Variants in KRT6A observed in about 807,000 individuals in gnomAD.
The protein encoded by KRT6A is keratin 6A.
In KRT6A, 28 loss-of-function variants were observed where a neutral mutation model predicts 48.6. The observed-to-expected ratio is 0.58, with a 90% CI of 0.43 to 0.79. The LOEUF is 0.79. KRT6A is among the 30% of genes least tolerant of loss of function. KRT6A has a pLI of 0.00. For missense variants in KRT6A, 687 were observed against 724.3 expected (o/e 0.95, Z 0.59); for synonymous variants, 301 against 294.2 (o/e 1.02, Z -0.24).
chr12:52,488,051 G>A lies in KRT6A; in HGVS notation c.1459+18C>T. ...AAGAGTGCGAGGGCAGGGGAGGAAG[G>A]CAAGCAAAGGTACTTACAGATGTTG... On this transcript the variant is annotated intron_variant, in intron 8 of 8. Transcript: ENST00000330722. The A allele has an allele frequency of 1.9e-6, 3 of 1,614,132 alleles. No individual in the cohort carries two copies. Among genetic ancestry groups the A allele is most frequent in the Non-Finnish European group, 2.5e-6 (3 of 1,179,982 alleles).
chr12:52,490,409 G>T, intron 5 of KRT6A, 160 bp downstream of exon 5: 1 of 1,299,776 alleles, frequency 7.7e-7, no homozygotes, highest in Non-Finnish European at 1.1e-6. Flanking sequence ...TTCTTGACTT[G>T]GGCATAAGTT....
intron 2 of KRT6A, 134 bp from the exon 3 acceptor site, chr12:52,491,306 G>T: frequency 6.5e-7 from 1 of 1,544,728 alleles, no homozygotes; most frequent in Non-Finnish European, 8.9e-7. Flanking sequence ...CCTAAGAGAC[G>T]ATTTTTGCTT....
chr12:52,488,140 G>C, intron 7 of KRT6A, 37 bp from the exon 8 acceptor site: 7 of 1,614,004 alleles, frequency 4.3e-6, no homozygotes, highest in Non-Finnish European at 5.1e-6. Flanking sequence ...AGACCTCAGA[G>C]AGCTCTTCCT....
At chr12:52,489,061 A>G (rs1230039080) in intron 6 of KRT6A, among the ~76,000 whole-genome samples, 1 of 152,076 alleles carries the variant, frequency 6.6e-6, no homozygotes, top group Admixed American at 6.5e-5. Context: ...TCTTGAGCAG[A>G]TTTGAAACAA....
At position 52,487,469 on chromosome 12, in the gene KRT6A, T is replaced by G; in HGVS notation, c.*251A>C. On this transcript the variant is annotated 3_prime_UTR_variant, in exon 9 of 9. Transcript: ENST00000330722. ...ACACTGGAGGCAAGAAATTAATAAT[T>G]TAGTAACAGTGAAGCTCCAGTGGTG... The G allele has an allele frequency of 1.8e-6, 1 of 548,202 alleles. No individual in the cohort carries two copies. Among genetic ancestry groups the G allele is most frequent in the Non-Finnish European group, 3.2e-6 (1 of 313,676 alleles). The allele number at this position is 548,202 out of a possible 1,614,324, so 34.0% of individuals were successfully genotyped here.
At chr12:52,491,462 C>T in intron 2 of KRT6A, 60 bp downstream of exon 2, 1 of 1,594,672 alleles carries the variant, frequency 6.3e-7, no homozygotes, top group Non-Finnish European at 8.6e-7. Context: ...GCCCTGGTCA[C>T]CCAATAGTCT....
chr12:52,492,226 G>A (rs1439102566), intron 1 of KRT6A, among the ~76,000 whole-genome samples: 2 of 150,042 alleles, frequency 1.3e-5, no homozygotes, highest in East Asian at 1.9e-4. Context: ...TCCACATAAC[G>A]TATAAACGTT....
At chr12:52,488,291 G>T in intron 7 of KRT6A, 37 bp downstream of exon 7, 1 of 1,614,114 alleles carries the variant, frequency 6.2e-7, no homozygotes, top group South Asian at 1.1e-5. Context: ...CTTGAAGATG[G>T]ACTCAGCTGT....
chr12:52,491,847 G>T, intron 1 of KRT6A, 111 bp from the exon 2 acceptor site: 1 of 1,390,568 alleles, frequency 7.2e-7, no homozygotes, highest in Non-Finnish European at 1.0e-6. Context: ...GGCTACTACA[G>T]TGCATGTAGA....
chr12:52,488,172 C>G, intron 7 of KRT6A, 69 bp from the exon 8 acceptor site: 1 of 1,613,886 alleles, frequency 6.2e-7, no homozygotes, highest in Non-Finnish European at 8.5e-7. Context: ...GCGTGGGCAG[C>G]CTCGGTGGGT....
rs1356158732 is a variant in KRT6A, at chr12:52,487,333, G to C, written c.*387C>G. On this transcript the variant is annotated 3_prime_UTR_variant, in exon 9 of 9. Transcript: ENST00000330722. ...ACAACACTTATAAGTTAGAGAGTTT[G>C]AGAGCCAGTGGAAAGTAAGTGGAAG... is the stretch of plus-strand genomic sequence containing the variant. 1 of 306,730 alleles carries C rather than the reference G, an allele frequency of 3.3e-6. No individual in the cohort carries two copies. The allele number at this position is 306,730 out of a possible 1,614,324, so 19.0% of individuals were successfully genotyped here.
intron 7 of KRT6A, 79 bp from the exon 8 acceptor site, chr12:52,488,182 T>C (rs1448404045): frequency 2.5e-6 from 4 of 1,613,432 alleles, no homozygotes; most frequent in African/African-American, 2.7e-5. Flanking sequence ...CCTCGGTGGG[T>C]GGAAGAGTCC....
chr12:52,487,915 G>A lies in KRT6A; in HGVS notation c.1500C>T (p.Ala500=). ...QSTVSSGYGG[A]SGVGSGLGLG... ...GGCCTAAGCCACTGCCGACACCACT[G>A]GCACCGCCATAGCCACTGGAGACGG... The change falls in exon 9 of 9, where the codon GCC becomes GCT. Residue 500 remains alanine (A), a synonymous_variant. Transcript: ENST00000330722. 6.2e-7 allele frequency: 1 copy of A among 1,614,096 alleles called. No homozygotes were observed. The highest frequency in any genetic ancestry group is 8.5e-7 in the Non-Finnish European group (1 of 1,179,950).
At position 52,487,465 on chromosome 12, in the gene KRT6A, T is replaced by C; in HGVS notation, c.*255A>G. On this transcript the variant is annotated 3_prime_UTR_variant, in exon 9 of 9. Coordinates refer to ENST00000330722, the MANE Select transcript of KRT6A (RefSeq NM_005554.4). ...TAGAACACTGGAGGCAAGAAATTAA[T>C]AATTTAGTAACAGTGAAGCTCCAGT... 5.5e-6 allele frequency: 3 copies of C among 542,972 alleles called. No homozygotes were observed. Among genetic ancestry groups the C allele is most frequent in the Non-Finnish European group, 9.7e-6 (3 of 310,368 alleles). 33.6% of individuals were successfully genotyped at this position (542,972 alleles called of 1,614,324 possible). A position where few individuals can be genotyped will look rare whatever the true frequency, so the allele number is the denominator to read the frequency against.
At position 52,490,895 on chromosome 12, in the gene KRT6A, G is replaced by A. The variant is rs751967999; in HGVS notation, c.875C>T (p.Thr292Ile). 3 of 1,614,038 alleles carry A rather than the reference G, an allele frequency of 1.9e-6. No homozygotes were observed. The South Asian group carries it at 3.3e-5, about 18-fold the overall frequency. Residue 292 changes from threonine (T) to isoleucine (I), a missense_variant, in exon 4 of 9, where the codon ACA becomes ATA. Around this residue, in one of 3 missense-constraint regions of KRT6A, gnomAD observed 566 missense variants for 565.3 expected, o/e 1.00. Coordinates refer to ENST00000330722, the MANE Select transcript of KRT6A (RefSeq NM_005554.4). ...GGCTCTCAGGAAGTTGATCTCGTCT[G>A]TGAGAGTGTCTGCCTTGGCTTGCAG... ...VELQAKADTL[T>I]DEINFLRALY...
intron 2 of KRT6A, 86 bp from the exon 3 acceptor site, chr12:52,491,258 T>C: frequency 6.2e-7 from 1 of 1,608,992 alleles, no homozygotes; most frequent in East Asian, 2.2e-5. Context: ...TTTTCCCGAA[T>C]GGAATATATT....
At chr12:52,491,796 A>T in intron 1 of KRT6A, 60 bp from the exon 2 acceptor site, 4 of 1,604,248 alleles carry the variant, frequency 2.5e-6, no homozygotes, top group Non-Finnish European at 3.4e-6. Context: ...AGTGTCTGGT[A>T]TCCGGTTTCC....
At chr12:52,491,789 G>A in intron 1 of KRT6A, 53 bp from the exon 2 acceptor site, 3 of 1,609,482 alleles carry the variant, frequency 1.9e-6, no homozygotes, top group African/African-American at 1.3e-5. Flanking sequence ...AAGAAAAAGT[G>A]TCTGGTATCC....
rs761754085 is a variant in KRT6A, at chr12:52,488,409, T to C, written c.1343A>G (p.Tyr448Cys). The change falls in exon 7 of 9, where the codon TAC becomes TGC. Residue 448 changes from tyrosine (Y) to cysteine (C), a missense_variant. Tyr to Cys is a radical substitution (Grantham distance 194). This residue lies in a region of KRT6A where 566 missense variants were observed against 565.3 expected (regional missense o/e 1.00). Coordinates refer to ENST00000330722, the MANE Select transcript of KRT6A (RefSeq NM_005554.4). ...KQDLARLLKEYQELMNVKLAL... is the reference protein window; with the variant it reads ...KQDLARLLKECQELMNVKLAL... ...CAGCTTGACATTCATCAGCTCCTGG[T>C]ACTCCTTCAGCAGCCGGGCCAGGTC... 3 of 1,614,134 alleles carry C rather than the reference T, an allele frequency of 1.9e-6. No homozygotes were observed. The highest frequency in any genetic ancestry group is 2.2e-5 in the South Asian group (2 of 91,074).
Sources: allele counts gnomAD v4.1 joint callset (sites outside exome capture counted in the v4.1 genomes callset), GRCh38; gene constraint gnomAD v4.1.1; regional missense constraint gnomAD v4.1.1; transcripts MANE v1.5; gene names NCBI Gene and HGNC (gene_info 2026-07-23, HGNC 2026-07-21).